Variants in ERI3 observed in about 807,000 individuals in gnomAD.
The protein encoded by ERI3 is ERI1 exoribonuclease 3.
In ERI3, 18 loss-of-function variants were observed where a neutral mutation model predicts 44.4. That is an observed-to-expected ratio of 0.41 (90% CI 0.28 to 0.60). The LOEUF (loss-of-function observed/expected upper bound fraction) is 0.60, where lower values mean the gene tolerates loss of function less well. ERI3 is among the 20% of genes least tolerant of loss of function. The pLI is 0.36. For synonymous variants in ERI3, 183 were observed against 164.8 expected, an observed-to-expected ratio of 1.11 and a Z score of -0.84; for missense variants, 294 against 435.5, an observed-to-expected ratio of 0.68 and a Z score of 2.89.
In ERI3 at chr1:44,221,346, G is replaced by A. The variant is rs1413006430; in HGVS notation, c.*212C>T. ...TGGGCTGAGATTGAGGGGTGGGGAT[G>A]GGGGGCACAAAGTGTCTGCTCCAGA... On this transcript the variant is annotated 3_prime_UTR_variant, in exon 9 of 9. Coordinates refer to ENST00000372257, the MANE Select transcript of ERI3 (RefSeq NM_024066.3). This position sits in a 1 kb window ranked among gnomAD's most constrained non-coding sequence, Gnocchi z 5.9. 3.5e-6 allele frequency: 2 copies of A among 564,702 alleles called. No individual in the cohort carries two copies. The highest frequency in any genetic ancestry group is 6.3e-6 in the Non-Finnish European group (2 of 316,430). 35.0% of individuals were successfully genotyped at this position (564,702 alleles called of 1,614,324 possible). A position where few individuals can be genotyped will look rare whatever the true frequency, so the allele number is the denominator to read the frequency against.
chr1:44,346,510 C>T (rs891339052), intron 2 of ERI3, among the ~76,000 whole-genome samples: 1 of 152,236 alleles, frequency 6.6e-6, no homozygotes, highest in African/African-American at 2.4e-5. Flanking sequence ...GTTGCAACCT[C>T]ATCACACACG....
intron 7 of ERI3, among the ~76,000 whole-genome samples, chr1:44,279,106 C>T (rs1474380807): frequency 3.3e-5 from 5 of 152,192 alleles, no homozygotes; most frequent in Admixed American, 3.3e-4. Flanking sequence ...CCTTCTGTAT[C>T]TCGCAAATGT....
At chr1:44,323,385 C>CAA (rs1239843279) in intron 3 of ERI3, among the ~76,000 whole-genome samples, 5 of 152,232 alleles carry the variant, frequency 3.3e-5, no homozygotes, top group African/African-American at 1.2e-4. Flanking sequence ...TTTCCATTCA[C>CAA]AAAAGTGTAG....
intron 7 of ERI3, among the ~76,000 whole-genome samples, chr1:44,256,381 C>T (rs1310614915): frequency 6.6e-6 from 1 of 152,118 alleles, no homozygotes; most frequent in African/African-American, 2.4e-5. Flanking sequence ...ATGTATATCC[C>T]CCAACCCATT....
intron 8 of ERI3, among the ~76,000 whole-genome samples, chr1:44,229,713 C>T (rs1028616580): frequency 5.3e-5 from 8 of 152,154 alleles, no homozygotes; most frequent in African/African-American, 1.9e-4. Flanking sequence ...GGTCTGAGGA[C>T]ACCCCAAACC....
At chr1:44,225,114 G>A (rs1472574046) in intron 8 of ERI3, among the ~76,000 whole-genome samples, 1 of 152,016 alleles carries the variant, frequency 6.6e-6, no homozygotes, top group Admixed American at 6.6e-5. Flanking sequence ...AGCTCTGGGG[G>A]CCACCTGGGT....
chr1:44,328,333 A>G (rs1473414705), intron 3 of ERI3, among the ~76,000 whole-genome samples: 1 of 150,802 alleles, frequency 6.6e-6, no homozygotes, highest in East Asian at 2.0e-4. Context: ...TGAGAAAGCT[A>G]AGAGGGTCAG....
chr1:44,304,935 G>C (rs1459152370), intron 6 of ERI3, among the ~76,000 whole-genome samples: 1 of 152,152 alleles, frequency 6.6e-6, no homozygotes, highest in Non-Finnish European at 1.5e-5. Context: ...TCAAGGGGGA[G>C]GAAAACTTCC....
At chr1:44,267,169 T>C (rs1168196802) in intron 7 of ERI3, among the ~76,000 whole-genome samples, 3 of 152,158 alleles carry the variant, frequency 2.0e-5, no homozygotes, top group Non-Finnish European at 4.4e-5. Flanking sequence ...CCCAAGGCAG[T>C]GGGCCTAAAG....
At chr1:44,259,705 C>CACACAG (rs1212705011) in intron 7 of ERI3, among the ~76,000 whole-genome samples, 22 of 151,400 alleles carry the variant, frequency 1.5e-4, no homozygotes, top group African/African-American at 4.6e-4. Context: ...CACACACACA[C>CACACAG]ACACACACAC....
At chr1:44,256,389 A>G (rs983706517) in intron 7 of ERI3, among the ~76,000 whole-genome samples, 4 of 152,016 alleles carry the variant, frequency 2.6e-5, no homozygotes, top group South Asian at 2.1e-4. Context: ...CCCCCAACCC[A>G]TTCCTCGGGT....
At chr1:44,226,816 A>ACACACAC (rs1557764563) in intron 8 of ERI3, among the ~76,000 whole-genome samples, 12 of 87,396 alleles carry the variant, frequency 1.4e-4, no homozygotes, top group African/African-American at 5.4e-4. Context: ...CACACACACA[A>ACACACAC]ACTATCCTAT....
chr1:44,295,712 C>T (rs1279562223), intron 6 of ERI3, among the ~76,000 whole-genome samples: 1 of 152,206 alleles, frequency 6.6e-6, no homozygotes, highest in Non-Finnish European at 1.5e-5. Flanking sequence ...CTACCACGAG[C>T]AATCATCTAA....
At chr1:44,290,735 AGCCC>A (rs1322472271) in intron 6 of ERI3, among the ~76,000 whole-genome samples, 1 of 152,180 alleles carries the variant, frequency 6.6e-6, no homozygotes, top group East Asian at 1.9e-4. Context: ...GGTGATAAAC[AGCCC>A]GCCTTTCATG....
chr1:44,258,679 A>T (rs1459502086), intron 7 of ERI3, among the ~76,000 whole-genome samples: 2 of 152,208 alleles, frequency 1.3e-5, no homozygotes, highest in Non-Finnish European at 2.9e-5. Context: ...CACGGCCTTC[A>T]GTGGGCCATA....
intron 4 of ERI3, among the ~76,000 whole-genome samples, chr1:44,317,151 C>CAA (rs1235199386): frequency 6.6e-6 from 1 of 152,014 alleles, no homozygotes; most frequent in African/African-American, 2.4e-5. Flanking sequence ...CGTGCACACA[C>CAA]ACACACACAC....
chr1:44,244,442 C>T (rs1298288934), intron 8 of ERI3, among the ~76,000 whole-genome samples: 7 of 152,176 alleles, frequency 4.6e-5, no homozygotes, highest in African/African-American at 4.8e-5. Flanking sequence ...GGGCCAAGCC[C>T]ACAACTCCAT....
At chr1:44,281,295 A>G (rs1217267149) in intron 7 of ERI3, among the ~76,000 whole-genome samples, 1 of 152,080 alleles carries the variant, frequency 6.6e-6, no homozygotes, top group Admixed American at 6.6e-5. Flanking sequence ...CATTCAAAAT[A>G]TTTGTTTATT....
chr1:44,224,237 GTTC>G lies in ERI3; in HGVS notation c.932-2600_932-2598del, dbSNP rs1251640428. Among the ~76,000 whole-genome samples, 5 of 152,150 alleles carry G rather than the reference GTTC, an allele frequency of 3.3e-5. 1 individual carries two copies. The South Asian group carries it at 8.3e-4, about 25-fold the overall frequency. Reference sequence around the variant, plus strand: ...ATCTTTCTTACATAAATCTGATCATGTTCTTCTTCCTTAAAGCCCTTCAGTGGC... The same window carrying G: ...ATCTTTCTTACATAAATCTGATCATGTTCTTCCTTAAAGCCCTTCAGTGGC... On this transcript the variant is annotated intron_variant, in intron 8 of 8. Transcript: ENST00000372257.
Sources: allele counts gnomAD v4.1 joint callset (sites outside exome capture counted in the v4.1 genomes callset), GRCh38; gene constraint gnomAD v4.1.1; non-coding constraint Gnocchi (gnomAD v3.1); transcripts MANE v1.5; gene names NCBI Gene and HGNC (gene_info 2026-07-23, HGNC 2026-07-21).